INPP4B: variants seen among roughly 807,000 people sequenced by gnomAD.
INPP4B encodes the protein inositol polyphosphate 4-phosphatase type II.
In INPP4B, 55 loss-of-function variants were observed where a neutral mutation model predicts 122.5. The observed-to-expected ratio is 0.45, with a 90% CI of 0.36 to 0.56. The LOEUF (loss-of-function observed/expected upper bound fraction) is 0.56. Among genes scored for constraint, INPP4B ranks in the 20% least tolerant of loss-of-function variants. The pLI is 0.00. For missense variants in INPP4B, 1,000 were observed against 1,097.7 expected, an observed-to-expected ratio of 0.91 and a Z score of 1.26; for synonymous variants, 403 against 388.7, an observed-to-expected ratio of 1.04 and a Z score of -0.43.
intron 25 of INPP4B, among the ~76,000 whole-genome samples, chr4:142,069,884 C>T (rs1446942822): frequency 6.6e-6 from 1 of 152,176 alleles, no homozygotes; most frequent in Admixed American, 6.5e-5. Flanking sequence ...GATGTATTCA[C>T]AGCCAAAATC....
intron 2 of INPP4B, among the ~76,000 whole-genome samples, chr4:142,545,279 G>T (rs1187323644): frequency 6.6e-6 from 1 of 152,044 alleles, no homozygotes; most frequent in Non-Finnish European, 1.5e-5. Context: ...CATTTATTTT[G>T]TGCCAAACAC....
chr4:142,552,934 C>T (rs1349534959), intron 2 of INPP4B, among the ~76,000 whole-genome samples: 1 of 152,148 alleles, frequency 6.6e-6, no homozygotes, highest in African/African-American at 2.4e-5. Context: ...CATTGCACCA[C>T]CAAAATAGCT....
At chr4:142,371,983 C>T (rs1240996358) in intron 7 of INPP4B, among the ~76,000 whole-genome samples, 1 of 151,980 alleles carries the variant, frequency 6.6e-6, no homozygotes, top group Non-Finnish European at 1.5e-5. Flanking sequence ...TACCTGCATC[C>T]ACGTGTTTAT....
At chr4:142,192,332 GTA>G (rs1491150785) in intron 15 of INPP4B, among the ~76,000 whole-genome samples, 2 of 4,660 alleles carry the variant, frequency 4.3e-4, no homozygotes, top group African/African-American at 6.6e-4. Flanking sequence ...GAATCTAAAA[GTA>G]AAAAAAAAAA....
At chr4:142,153,592 G>A (rs928099855) in intron 17 of INPP4B, among the ~76,000 whole-genome samples, 1 of 151,970 alleles carries the variant, frequency 6.6e-6, no homozygotes, top group African/African-American at 2.4e-5. Context: ...CAGAACTGCA[G>A]GAAAATCATT....
intron 2 of INPP4B, among the ~76,000 whole-genome samples, chr4:142,676,209 C>G (rs538421658): frequency 6.4e-4 from 97 of 152,116 alleles, no homozygotes; most frequent in African/African-American, 2.3e-3. Context: ...CAAAAACAGA[C>G]AGAGAGCCAA....
intron 25 of INPP4B, among the ~76,000 whole-genome samples, chr4:142,043,476 T>C (rs893172673): frequency 6.6e-6 from 1 of 152,002 alleles, no homozygotes; most frequent in Non-Finnish European, 1.5e-5. Context: ...AAACAGAATG[T>C]TGTGATGTAT....
intron 15 of INPP4B, among the ~76,000 whole-genome samples, chr4:142,191,471 G>A (rs1835796687): frequency 2.0e-5 from 3 of 152,108 alleles, no homozygotes; most frequent in African/African-American, 7.2e-5. Flanking sequence ...AGATTCCATG[G>A]GCAAAACCCT....
chr4:142,782,684 G>A (rs1463764405), intron 1 of INPP4B, among the ~76,000 whole-genome samples: 1 of 152,054 alleles, frequency 6.6e-6, no homozygotes, highest in African/African-American at 2.4e-5. Context: ...TCTAACTGGT[G>A]TGAGATGATA....
At chr4:142,067,259 G>A (rs531773450) in intron 25 of INPP4B, among the ~76,000 whole-genome samples, 1 of 152,190 alleles carries the variant, frequency 6.6e-6, no homozygotes, top group East Asian at 1.9e-4. Flanking sequence ...GCAGCTGAGG[G>A]TCCTGACTGT....
chr4:142,545,404 G>A (rs899984998), intron 2 of INPP4B, among the ~76,000 whole-genome samples: 2 of 152,056 alleles, frequency 1.3e-5, no homozygotes, highest in African/African-American at 4.8e-5. Flanking sequence ...CACAGAAAAG[G>A]TAACTGAGTG....
chr4:142,508,641 A>G (rs988867406), intron 2 of INPP4B, among the ~76,000 whole-genome samples: 5 of 152,298 alleles, frequency 3.3e-5, no homozygotes, highest in Middle Eastern at 6.8e-3. Flanking sequence ...CTTTGACAAC[A>G]CTTTATAGTG....
At chr4:142,311,523 T>C (rs1428083721) in intron 8 of INPP4B, among the ~76,000 whole-genome samples, 1 of 152,164 alleles carries the variant, frequency 6.6e-6, no homozygotes, top group Admixed American at 6.6e-5. Context: ...CAATACATAG[T>C]TCATAGATTT....
chr4:142,843,831 G>C (rs538007930), intron 1 of INPP4B, among the ~76,000 whole-genome samples: 1 of 151,922 alleles, frequency 6.6e-6, no homozygotes, highest in Non-Finnish European at 1.5e-5. Flanking sequence ...TCTCCCTCAA[G>C]GTAGTGAAAG....
At chr4:142,793,011 C>T (rs1453662625) in intron 1 of INPP4B, among the ~76,000 whole-genome samples, 1 of 151,998 alleles carries the variant, frequency 6.6e-6, no homozygotes, top group African/African-American at 2.4e-5. Flanking sequence ...TCCATTCCAT[C>T]GAAATACTCA....
intron 2 of INPP4B, among the ~76,000 whole-genome samples, chr4:142,638,208 G>T (rs1001087624): frequency 2.0e-5 from 3 of 152,046 alleles, no homozygotes; most frequent in Non-Finnish European, 4.4e-5. Context: ...GTAAAGTCCA[G>T]CTTACCAATT....
intron 1 of INPP4B, among the ~76,000 whole-genome samples, chr4:142,802,077 ATCCTCCTCAAAGG>A (rs1429338045): frequency 5.9e-5 from 9 of 152,120 alleles, no homozygotes; most frequent in African/African-American, 2.2e-4. Context: ...AGACGATCTC[ATCCTCCTCAAAGG>A]TCACTAGGGT....
chr4:142,531,545 A>G (rs1472221513), intron 2 of INPP4B, among the ~76,000 whole-genome samples: 1 of 152,168 alleles, frequency 6.6e-6, no homozygotes, highest in African/African-American at 2.4e-5. Flanking sequence ...TCTATGAGAA[A>G]TAATTTCTCT....
At chr4:142,268,646 A>T (rs1053830075) in intron 10 of INPP4B, among the ~76,000 whole-genome samples, 2 of 152,174 alleles carry the variant, frequency 1.3e-5, no homozygotes, top group South Asian at 2.1e-4. Flanking sequence ...AATGTGGTAT[A>T]TACCACAATA....
Sources: gnomAD v4.1 joint callset for allele counts (sites outside exome capture counted in the v4.1 genomes callset) on GRCh38, gnomAD v4.1.1 for gene constraint, MANE v1.5 for transcripts, NCBI Gene and HGNC (gene_info 2026-07-23, HGNC 2026-07-21) for gene names.